The following XKR9 variants were observed in gnomAD, a reference collection of about 807,000 sequenced individuals.
XKR9 encodes the protein XK related 9.
In XKR9, 32 loss-of-function variants were observed where a neutral mutation model predicts 32.0. The ratio of observed to expected loss-of-function variants is 1.00; its 90% CI spans 0.76 to 1.34. The LOEUF is 1.34. XKR9 is among the 40% of genes most tolerant of loss of function. The pLI is 0.00. For synonymous variants in XKR9, 168 were observed against 143.4 expected, an observed-to-expected ratio of 1.17 and a Z score of -1.22; for missense variants, 546 against 429.7, an observed-to-expected ratio of 1.27 and a Z score of -2.39.
At chr8:70,980,083 T>A in the XKR9 span, among the ~76,000 whole-genome samples, 4 of 152,216 alleles carry the variant, frequency 2.6e-5, no homozygotes, top group Admixed American at 2.6e-4. Context: ...TGGGATATAA[T>A]CTCCTAGTGT....
At chr8:71,005,791 C>A in the XKR9 span, among the ~76,000 whole-genome samples, 1 of 152,180 alleles carries the variant, frequency 6.6e-6, no homozygotes, top group Non-Finnish European at 1.5e-5. Flanking sequence ...TCTGAGATGA[C>A]AAGGGCAGTG....
At chr8:70,741,276 G>A (rs1041056693) in intron 2 of XKR9, among the ~76,000 whole-genome samples, 1 of 152,164 alleles carries the variant, frequency 6.6e-6, no homozygotes, top group African/African-American at 2.4e-5. Context: ...ATGAGAAGAG[G>A]AAGAGAGACC....
At chr8:70,810,204 A>G in the XKR9 span, among the ~76,000 whole-genome samples, 1 of 152,202 alleles carries the variant, frequency 6.6e-6, no homozygotes, top group Admixed American at 6.5e-5. Context: ...TTCATAAGTG[A>G]AGGAGAAATA....
chr8:70,944,176 C>A, the XKR9 span, among the ~76,000 whole-genome samples: 2 of 152,084 alleles, frequency 1.3e-5, no homozygotes, highest in Non-Finnish European at 2.9e-5. Context: ...TCTTAGAGAG[C>A]TGCGCCCAAA....
chr8:71,035,078 G>A, the XKR9 span, among the ~76,000 whole-genome samples: 10 of 152,254 alleles, frequency 6.6e-5, no homozygotes, highest in African/African-American at 1.7e-4. Flanking sequence ...GAGTAAATAC[G>A]TGGGAGTGGA....
At chr8:70,787,110 A>G (rs1351650035) in intron 2 of XKR9, among the ~76,000 whole-genome samples, 1 of 152,132 alleles carries the variant, frequency 6.6e-6, no homozygotes, top group Non-Finnish European at 1.5e-5. Context: ...AGAGAATGGA[A>G]GAGAGAAATT....
the XKR9 span, among the ~76,000 whole-genome samples, chr8:70,798,095 G>A: frequency 6.6e-6 from 1 of 152,112 alleles, no homozygotes; most frequent in South Asian, 2.1e-4. Flanking sequence ...GGTTTGAATG[G>A]TAGTTCTGTT....
chr8:70,833,284 C>G, the XKR9 span, among the ~76,000 whole-genome samples: 2 of 152,104 alleles, frequency 1.3e-5, no homozygotes, highest in Non-Finnish European at 2.9e-5. Context: ...TCTATACTTT[C>G]CATGGAATTC....
At chr8:70,685,848 A>G (rs1412103151) in intron 3 of XKR9, among the ~76,000 whole-genome samples, 2 of 151,818 alleles carry the variant, frequency 1.3e-5, no homozygotes, top group South Asian at 2.1e-4. Context: ...ACTAACCTGC[A>G]TATTGTGCAC....
chr8:71,022,514 A>G, the XKR9 span, among the ~76,000 whole-genome samples: 1 of 152,084 alleles, frequency 6.6e-6, no homozygotes, highest in African/African-American at 2.4e-5. Flanking sequence ...TTCCCTGAAG[A>G]GTGGCTAGAT....
the XKR9 span, among the ~76,000 whole-genome samples, chr8:71,013,370 A>G: frequency 6.6e-6 from 1 of 152,138 alleles, no homozygotes; most frequent in Non-Finnish European, 1.5e-5. Flanking sequence ...CAGGTTGCCT[A>G]CACACTCTCC....
chr8:70,702,907 T>C (rs1353992736), intron 3 of XKR9, among the ~76,000 whole-genome samples: 1 of 152,192 alleles, frequency 6.6e-6, no homozygotes, highest in Non-Finnish European at 1.5e-5. Flanking sequence ...GTGTAATTAT[T>C]GATATGGTTG....
the XKR9 span, among the ~76,000 whole-genome samples, chr8:70,820,592 G>C: frequency 6.6e-6 from 1 of 152,202 alleles, no homozygotes; most frequent in Admixed American, 6.5e-5. Context: ...ATTTATGTTT[G>C]GAAAGGAAAG....
At chr8:70,740,495 G>A (rs543143916), downstream of XKR9, among the ~76,000 whole-genome samples, 15 of 152,306 alleles carry the variant, frequency 9.8e-5, no homozygotes, top group South Asian at 2.3e-3. Flanking sequence ...GTCCAGCTTT[G>A]TTCTGTTGCT....
At chr8:70,838,652 C>G in the XKR9 span, among the ~76,000 whole-genome samples, 1 of 152,054 alleles carries the variant, frequency 6.6e-6, no homozygotes, top group African/African-American at 2.4e-5. Flanking sequence ...GCAAAGCAGT[C>G]CCATCTTTCT....
the XKR9 span, among the ~76,000 whole-genome samples, chr8:70,934,012 G>A: frequency 6.6e-6 from 1 of 151,758 alleles, no homozygotes; most frequent in South Asian, 2.1e-4. Context: ...GGCCACATAA[G>A]TAGTGTTATT....
the XKR9 span, among the ~76,000 whole-genome samples, chr8:70,895,115 C>G: frequency 6.6e-6 from 1 of 152,124 alleles, no homozygotes; most frequent in Admixed American, 6.5e-5. Flanking sequence ...GGTGAGTTCT[C>G]TAGGTGTCCA....
intron 4 of XKR9, among the ~76,000 whole-genome samples, chr8:70,710,749 A>G (rs2132188337): frequency 6.6e-6 from 1 of 151,834 alleles, no homozygotes; most frequent in African/African-American, 2.4e-5. Context: ...ACAAAAAACA[A>G]AAGCAATTGC....
intron 2 of XKR9, among the ~76,000 whole-genome samples, chr8:70,763,459 C>G (rs756561499): frequency 3.9e-5 from 6 of 152,012 alleles, no homozygotes; most frequent in Admixed American, 6.6e-5. Context: ...TAAGAATCCC[C>G]CTGTGGACTT....
Sources: gnomAD v4.1 joint callset for allele counts (sites outside exome capture counted in the v4.1 genomes callset) on GRCh38, gnomAD v4.1.1 for gene constraint, MANE v1.5 for transcripts, NCBI Gene and HGNC (gene_info 2026-07-23, HGNC 2026-07-21) for gene names.